CYFIP1: variants seen among roughly 807,000 people sequenced by gnomAD.
The protein encoded by CYFIP1 is cytoplasmic FMR1 interacting protein 1, also known as cytoplasmic FMR1-interacting protein 1.
A neutral mutation model predicts 163.5 loss-of-function variants in CYFIP1; 58 were observed. That is an observed-to-expected ratio of 0.35 (90% CI 0.29 to 0.44). The LOEUF (loss-of-function observed/expected upper bound fraction) is 0.44. Ranked by LOEUF, CYFIP1 falls within the 20% of genes least tolerant of loss-of-function variation. The pLI is 1.00. For synonymous variants in CYFIP1, 663 were observed against 660.7 expected (o/e 1.00, Z -0.05); for missense variants, 1,338 against 1,653.8 (o/e 0.81, Z 3.31).
At chr15:22,919,995 C>T (rs967060114) in intron 13 of CYFIP1, among the ~76,000 whole-genome samples, 3 of 151,758 alleles carry the variant, frequency 2.0e-5, no homozygotes, top group Non-Finnish European at 4.4e-5. Flanking sequence ...GCTCTCCAGC[C>T]TGGGTGACAG....
intron 1 of CYFIP1, among the ~76,000 whole-genome samples, chr15:22,947,592 C>T (rs754337120): frequency 6.6e-6 from 1 of 152,080 alleles, no homozygotes; most frequent in Admixed American, 6.5e-5. Context: ...CCATGGGGGC[C>T]GCCGTCCTGA....
intron 6 of CYFIP1, among the ~76,000 whole-genome samples, chr15:22,940,932 CG>C (rs2061874882): frequency 6.6e-6 from 1 of 152,092 alleles, no homozygotes; most frequent in African/African-American, 2.4e-5. Context: ...CCCAACTACT[CG>C]GGAGGCTGAG....
intron 6 of CYFIP1, among the ~76,000 whole-genome samples, chr15:22,940,200 C>T (rs984492107): frequency 6.6e-6 from 1 of 152,146 alleles, no homozygotes; most frequent in African/African-American, 2.4e-5. Flanking sequence ...TCTGTGCAAC[C>T]CAGAACCTTG....
At chr15:22,940,303 T>G (rs989593845) in intron 6 of CYFIP1, among the ~76,000 whole-genome samples, 2 of 152,174 alleles carry the variant, frequency 1.3e-5, no homozygotes, top group African/African-American at 2.4e-5. Flanking sequence ...AGCCCTGCAT[T>G]TCTGTGGAAC....
intron 1 of CYFIP1, among the ~76,000 whole-genome samples, chr15:22,968,132 T>C (rs1417574878): frequency 6.6e-6 from 1 of 152,078 alleles, no homozygotes; most frequent in Non-Finnish European, 1.5e-5. Context: ...CGAGACTCCA[T>C]CTCAAAAAAT....
At chr15:22,964,709 T>C (rs74003064) in intron 1 of CYFIP1, among the ~76,000 whole-genome samples, 4,268 of 152,282 alleles carry the variant, frequency 0.028, 228 homozygotes, top group African/African-American at 0.098. Context: ...AGCCTTGGGC[T>C]GTCTGAGCTC....
chr15:22,914,187 G>A (rs779547349), intron 17 of CYFIP1, among the ~76,000 whole-genome samples: 15 of 152,066 alleles, frequency 9.9e-5, no homozygotes, highest in Non-Finnish European at 1.8e-4. Context: ...CAGGGCTCCC[G>A]CAAGGCAGCT....
At chr15:22,880,128 C>T (rs759043222) in intron 25 of CYFIP1, 85 bp from the exon 26 acceptor site, 27 of 1,564,600 alleles carry the variant, frequency 1.7e-5, no homozygotes, top group South Asian at 1.3e-4. Context: ...GAGCACCTGC[C>T]GTTCTGACAC....
At chr15:22,948,445 CAA>C (rs769021333) in intron 1 of CYFIP1, among the ~76,000 whole-genome samples, 6 of 152,278 alleles carry the variant, frequency 3.9e-5, no homozygotes, top group Middle Eastern at 3.4e-3. Flanking sequence ...AACCACAGCC[CAA>C]GTCTCCTCAG....
intron 26 of CYFIP1, 109 bp from the exon 27 acceptor site, chr15:22,875,380 A>ACAG: frequency 4.4e-6 from 4 of 909,900 alleles, no homozygotes; most frequent in Non-Finnish European, 5.4e-6. Flanking sequence ...TAAACTCTGT[A>ACAG]AGTTTATTTT....
chr15:22,952,111 GC>G (rs2062269994), intron 1 of CYFIP1, among the ~76,000 whole-genome samples: 1 of 152,128 alleles, frequency 6.6e-6, no homozygotes, highest in South Asian at 2.1e-4. Flanking sequence ...ACGACCTTAG[GC>G]TAAGTGAAAT....
At chr15:22,904,009 T>C in intron 21 of CYFIP1, 104 bp from the exon 22 acceptor site, 2 of 1,079,848 alleles carry the variant, frequency 1.9e-6, no homozygotes, top group Non-Finnish European at 2.7e-6. Flanking sequence ...CTGGCAGGGC[T>C]GCACGGAGGC....
chr15:22,905,061 T>C (rs1356899912), intron 21 of CYFIP1: 1 of 152,190 alleles, frequency 6.6e-6, no homozygotes, highest in Non-Finnish European at 1.5e-5. Context: ...GGTGAAGGTC[T>C]GAGGACAATC....
chr15:22,980,716 T>TGGCCTGAGCTGCGGAAGGAGCTC (rs2063457639), upstream of CYFIP1, among the ~76,000 whole-genome samples: 1 of 151,816 alleles, frequency 6.6e-6, no homozygotes, highest in Non-Finnish European at 1.5e-5. Flanking sequence ...GGGCGGGGGT[T>TGGCCTGAGCTGCGGAAGGAGCTC]GGCCTGAGCT....
chr15:22,894,541 T>C (rs998160422), intron 22 of CYFIP1, among the ~76,000 whole-genome samples: 4 of 151,342 alleles, frequency 2.6e-5, no homozygotes, highest in Non-Finnish European at 5.9e-5. Context: ...CCGCCCACCT[T>C]GGCCTCCCGA....
chr15:22,978,836 G>C (rs951395927), intron 1 of CYFIP1, among the ~76,000 whole-genome samples: 1 of 152,038 alleles, frequency 6.6e-6, no homozygotes, highest in Non-Finnish European at 1.5e-5. Flanking sequence ...TTCTGGAATG[G>C]GCAAAGCAGG....
At position 22,867,218 on chromosome 15, in the gene CYFIP1, C is replaced by T; in HGVS notation, c.*2810G>A. The T allele has an allele frequency of 2.5e-6, 1 of 407,238 alleles. No homozygotes were observed. The highest frequency in any genetic ancestry group is 4.3e-6 in the Non-Finnish European group (1 of 231,580). The allele number at this position is 407,238 out of a possible 1,614,324, so 25.2% of individuals were successfully genotyped here. On this transcript the variant is annotated 3_prime_UTR_variant, in exon 31 of 31. Coordinates refer to ENST00000617928, the MANE Select transcript of CYFIP1 (RefSeq NM_014608.6). ...CATCCCCACTCCATCAATCCCTGAC[C>T]ATGTAAGGCTTTTTTATTTTAAAAA...
At chr15:22,901,631 C>T (rs545391050) in intron 22 of CYFIP1, among the ~76,000 whole-genome samples, 67 of 152,324 alleles carry the variant, frequency 4.4e-4, no homozygotes, top group African/African-American at 1.5e-3. Context: ...AAATTCCAGT[C>T]GCAGACCACC....
At chr15:22,928,985 G>A (rs947572057) in intron 11 of CYFIP1, among the ~76,000 whole-genome samples, 4 of 151,832 alleles carry the variant, frequency 2.6e-5, no homozygotes, top group East Asian at 1.9e-4. Context: ...TTGGGAGGCC[G>A]GGGCAGGTGG....
Sources: gnomAD v4.1 joint callset for allele counts (sites outside exome capture counted in the v4.1 genomes callset) on GRCh38, gnomAD v4.1.1 for gene constraint, MANE v1.5 for transcripts, NCBI Gene and HGNC (gene_info 2026-07-23, HGNC 2026-07-21) for gene names.